DLG1: variants seen among roughly 807,000 people sequenced by gnomAD.
The protein encoded by DLG1 is disks large homolog 1.
Under a neutral mutation model 123.4 loss-of-function variants are expected in DLG1, and 42 were observed. The ratio of observed to expected loss-of-function variants is 0.34; its 90% CI spans 0.27 to 0.44. The LOEUF (loss-of-function observed/expected upper bound fraction) is 0.44, where lower values mean the gene tolerates loss of function less well. Ranked by LOEUF, DLG1 falls within the 20% of genes least tolerant of loss-of-function variation. DLG1 has a pLI of 1.00. For missense variants in DLG1, 942 were observed against 1,082.6 expected, an observed-to-expected ratio of 0.87 and a Z score of 1.82; for synonymous variants, 317 against 356.2, an observed-to-expected ratio of 0.89 and a Z score of 1.24.
Position 197,138,245 on chromosome 3 carries a change from A to G in DLG1, c.860T>C (p.Ile287Thr). 6.2e-7 allele frequency: 1 copy of G among 1,600,018 alleles called. No homozygotes were observed. Among genetic ancestry groups the G allele is most frequent in the Non-Finnish European group, 8.5e-7 (1 of 1,171,118 alleles). ...RKPVSEKIMEIKLIKGPKGLG... is the reference protein window; with the variant it reads ...RKPVSEKIMETKLIKGPKGLG... The stretch of plus-strand genomic sequence containing the variant: ...ACCTTTAGGACCTTTAATGAGCTTT[A>G]TTTCCATTATTTTTTCTGACACTGG... The change falls in exon 9 of 25, where the codon ATA becomes ACA. Residue 287 changes from isoleucine (I) to threonine (T), a missense_variant. Coordinates refer to ENST00000667157, the MANE Select transcript of DLG1 (RefSeq NM_001366207.1).
intron 4 of DLG1, among the ~76,000 whole-genome samples, chr3:197,227,610 A>G (rs982498298): frequency 3.9e-5 from 6 of 152,232 alleles, no homozygotes; most frequent in African/African-American, 1.4e-4. Context: ...AAAGTATACT[A>G]TATTTTGCTA....
chr3:197,290,286 CT>C (rs1320990225), intron 3 of DLG1, among the ~76,000 whole-genome samples: 2 of 152,174 alleles, frequency 1.3e-5, no homozygotes, highest in Non-Finnish European at 2.9e-5. Context: ...AGAAATCTTA[CT>C]TTTCAACAAC....
intron 6 of DLG1, among the ~76,000 whole-genome samples, chr3:197,147,432 G>GCACACACA (rs67643945): frequency 0.022 from 3,168 of 147,128 alleles, 37 homozygotes; most frequent in Middle Eastern, 0.031. Flanking sequence ...TATATGGTGT[G>GCACACACA]CACACACACA....
At chr3:197,140,079 T>C (rs916404835) in intron 8 of DLG1, 61 bp downstream of exon 8, 1 of 1,573,430 alleles carries the variant, frequency 6.4e-7, no homozygotes, top group African/African-American at 1.3e-5. Flanking sequence ...CCTTATCCAG[T>C]CTGCTTCAAG....
intron 15 of DLG1, among the ~76,000 whole-genome samples, chr3:197,089,484 G>A (rs531332178): frequency 2.7e-5 from 4 of 150,494 alleles, no homozygotes; most frequent in African/African-American, 7.4e-5. Flanking sequence ...CTGAGATCGC[G>A]CCACTGCACT....
chr3:197,241,933 C>T (rs1465501292), intron 4 of DLG1, among the ~76,000 whole-genome samples: 1 of 151,950 alleles, frequency 6.6e-6, no homozygotes, highest in African/African-American at 2.4e-5. Flanking sequence ...AATCAGAAAA[C>T]AAGCAACAAA....
chr3:197,049,697 G>C (rs1193121621), intron 24 of DLG1, among the ~76,000 whole-genome samples: 1 of 152,106 alleles, frequency 6.6e-6, no homozygotes, highest in African/African-American at 2.4e-5. Flanking sequence ...GGTGAGCTGA[G>C]ATCATGCCAT....
At chr3:197,105,510 T>A (rs1400708273) in intron 13 of DLG1, among the ~76,000 whole-genome samples, 3 of 152,228 alleles carry the variant, frequency 2.0e-5, no homozygotes, top group African/African-American at 7.2e-5. Context: ...TTAGAAATAT[T>A]AAAACAGCTC....
chr3:197,058,458 C>T (rs574596203), intron 23 of DLG1, among the ~76,000 whole-genome samples: 1 of 152,268 alleles, frequency 6.6e-6, no homozygotes, highest in East Asian at 1.9e-4. Context: ...TTCAAAACAT[C>T]AATTTATTCT....
chr3:197,052,464 AAAAT>A (rs1041707724), intron 23 of DLG1, among the ~76,000 whole-genome samples: 18 of 152,174 alleles, frequency 1.2e-4, no homozygotes, highest in South Asian at 6.2e-4. Flanking sequence ...CCACAACAAC[AAAAT>A]AAATAAATAA....
chr3:197,159,504 C>T (rs1797911671), intron 5 of DLG1, among the ~76,000 whole-genome samples: 1 of 152,128 alleles, frequency 6.6e-6, no homozygotes, highest in Non-Finnish European at 1.5e-5. Context: ...GATTCTAAAT[C>T]TTTTCTTCTG....
At chr3:197,083,488 T>C (rs1022164665) in intron 16 of DLG1, among the ~76,000 whole-genome samples, 4 of 152,200 alleles carry the variant, frequency 2.6e-5, no homozygotes, top group African/African-American at 9.6e-5. Flanking sequence ...ATAAATAAGC[T>C]ATCTCAGGGG....
chr3:197,130,727 G>T, intron 10 of DLG1, 56 bp from the exon 11 acceptor site: 1 of 1,383,844 alleles, frequency 7.2e-7, no homozygotes, highest in Non-Finnish European at 9.7e-7. Flanking sequence ...CTGAGTTTTG[G>T]AAACAATTTC....
intron 22 of DLG1, among the ~76,000 whole-genome samples, chr3:197,062,535 T>TA (rs930868093): frequency 2.6e-5 from 4 of 152,186 alleles, no homozygotes; most frequent in African/African-American, 9.7e-5. Context: ...ACTTGGCCAG[T>TA]GGGGGACCCT....
intron 5 of DLG1, among the ~76,000 whole-genome samples, chr3:197,182,977 T>C (rs1713348211): frequency 6.6e-6 from 1 of 152,270 alleles, no homozygotes; most frequent in Admixed American, 6.5e-5. Context: ...TCCATGACTG[T>C]GTAATTGCAC....
intron 5 of DLG1, among the ~76,000 whole-genome samples, chr3:197,181,860 C>A (rs573178408): frequency 2.3e-4 from 35 of 152,134 alleles, no homozygotes; most frequent in Non-Finnish European, 5.0e-4. Flanking sequence ...CAGGAATGCT[C>A]TGAACCAAAC....
chr3:197,172,928 ACTT>A (rs758105117), intron 5 of DLG1, among the ~76,000 whole-genome samples: 5 of 152,158 alleles, frequency 3.3e-5, no homozygotes, highest in Non-Finnish European at 5.9e-5. Context: ...AGGAAGTACA[ACTT>A]CTTACTGAGG....
In DLG1 at chr3:197,044,500, A is replaced by G; in HGVS notation, c.*123T>C. 1.7e-6 allele frequency: 1 copy of G among 573,240 alleles called. No homozygotes were observed. Among genetic ancestry groups the G allele is most frequent in the Non-Finnish European group, 3.1e-6 (1 of 322,532 alleles). The allele number at this position is 573,240 out of a possible 1,614,324, so 35.5% of individuals were successfully genotyped here. A position where few individuals can be genotyped will look rare whatever the true frequency, so the allele number is the denominator to read the frequency against. On this transcript the variant is annotated 3_prime_UTR_variant, in exon 25 of 25. Transcript: ENST00000667157. ...ACTACATGTGAAAAAGAAGCTGCAG[A>G]CCATGATGTGTGGGATACAATTCAA...
chr3:197,251,329 C>T (rs1754357616), intron 4 of DLG1, among the ~76,000 whole-genome samples: 1 of 152,032 alleles, frequency 6.6e-6, no homozygotes, highest in Non-Finnish European at 1.5e-5. Flanking sequence ...TATGGAACCA[C>T]AAAAGACCCC....
Sources: allele counts gnomAD v4.1 joint callset (sites outside exome capture counted in the v4.1 genomes callset), GRCh38; gene constraint gnomAD v4.1.1; transcripts MANE v1.5; gene names NCBI Gene and HGNC (gene_info 2026-07-23, HGNC 2026-07-21).